The following COL12A1 variants were observed in gnomAD, a reference collection of about 807,000 sequenced individuals.
The protein encoded by COL12A1 is collagen type XII alpha 1 chain, also known as collagen alpha-1(XII) chain.
In COL12A1, 114 loss-of-function variants were observed where a neutral mutation model predicts 349.7. The observed-to-expected ratio is 0.33, with a 90% confidence interval of 0.28 to 0.38. The LOEUF (loss-of-function observed/expected upper bound fraction) is 0.38, where lower values mean the gene tolerates loss of function less well. Ranked by LOEUF, COL12A1 falls within the 10% of genes least tolerant of loss-of-function variation. The probability of loss-of-function intolerance (pLI) is 1.00; values close to 1 mark genes in which losing one functional copy is unlikely to be tolerated. For missense variants in COL12A1, 3,284 were observed against 3,756.9 expected, an observed-to-expected ratio of 0.87 and a Z score of 3.29; for synonymous variants, 1,369 against 1,329.0, an observed-to-expected ratio of 1.03 and a Z score of -0.66.
rs542888306 is a variant in COL12A1 at position 75,121,469 on chromosome 6, C to G, written c.6947-28G>C. The G allele has an allele frequency of 2.2e-5, 33 of 1,498,756 alleles. No individual in the cohort carries two copies. In the East Asian group the frequency reaches 7.2e-4, roughly 33 times the overall value. The allele number at this position is 1,498,756 out of a possible 1,614,324, so 92.8% of individuals were successfully genotyped here. ...GCAAAAAAAGAAAGCAGAGGAAGCC[C>G]CAAATCTCATGAATTCTTTCATTTA... On this transcript the variant is annotated intron_variant, in intron 43 of 65. Coordinates refer to ENST00000322507, the MANE Select transcript of COL12A1 (RefSeq NM_004370.6).
Position 75,152,120 on chromosome 6 carries a change from T to C in COL12A1, c.3835+11A>G. ...CATGAGCTGAAAGACTGTCAGACAG[T>C]CCTTACTCACCTGTGAGAGTATTGC... is the stretch of plus-strand genomic sequence containing the variant. On this transcript the variant is annotated intron_variant, in intron 19 of 65. Coordinates refer to ENST00000322507, the MANE Select transcript of COL12A1 (RefSeq NM_004370.6). 2 of 1,613,748 alleles carry C rather than the reference T, an allele frequency of 1.2e-6. No individual in the cohort carries two copies. Among genetic ancestry groups the C allele is most frequent in the Non-Finnish European group, 1.7e-6 (2 of 1,179,780 alleles).
intron 38 of COL12A1, 142 bp downstream of exon 38, chr6:75,128,154 C>A: frequency 1.4e-6 from 1 of 692,774 alleles, no homozygotes. Context: ...AATTTAATGT[C>A]TAATAAAAAT....
chr6:75,120,973 G>T (rs1769330164), intron 44 of COL12A1, among the ~76,000 whole-genome samples: 1 of 152,126 alleles, frequency 6.6e-6, no homozygotes, highest in South Asian at 2.1e-4. Flanking sequence ...CAATCACAAA[G>T]AATTTAATAT....
At chr6:75,205,441 G>A (rs13201278) in intron 1 of COL12A1, among the ~76,000 whole-genome samples, 8,287 of 151,888 alleles carry the variant, frequency 0.055, 284 homozygotes, top group Non-Finnish European at 0.078. Context: ...CCAGGGCCCT[G>A]CTGCCCCAGA....
rs1238079327 is a variant in COL12A1 at position 75,087,675 on chromosome 6, C to CGGCCAGGGG, written c.9074_9082dup (p.Pro3025_Gly3027dup). The CGGCCAGGGG allele has an allele frequency of 6.2e-7, 1 of 1,610,234 alleles. No individual in the cohort carries two copies. ...TCCTCGGATACCTGAGTTTCCAGGA[C>CGGCCAGGGG]GGCCAGGGGGGCCAGGGGGACCTCT... On this transcript the variant is annotated inframe_insertion, in exon 65 of 66. Coordinates refer to ENST00000322507, the MANE Select transcript of COL12A1 (RefSeq NM_004370.6).
intron 8 of COL12A1, 40 bp downstream of exon 8, chr6:75,188,322 A>G (rs762816617): frequency 3.2e-6 from 5 of 1,558,088 alleles, no homozygotes; most frequent in South Asian, 2.4e-5. Context: ...CAAACAATGG[A>G]AAAGACTAAC....
chr6:75,167,627 A>G (rs1159983060), intron 13 of COL12A1, among the ~76,000 whole-genome samples: 1 of 152,192 alleles, frequency 6.6e-6, no homozygotes, highest in Non-Finnish European at 1.5e-5. Context: ...ACAGACATCA[A>G]TCTCATAAAC....
intron 13 of COL12A1, among the ~76,000 whole-genome samples, chr6:75,169,093 C>G (rs1365016922): frequency 6.6e-6 from 1 of 152,190 alleles, no homozygotes; most frequent in East Asian, 1.9e-4. Context: ...GGAAATGGCT[C>G]TGAACACACG....
rs536091328 is a variant in COL12A1, at chr6:75,126,429, A to G, written c.6382T>C (p.Trp2128Arg). 5.0e-6 allele frequency: 8 copies of G among 1,611,596 alleles called. No homozygotes were observed. The African/African-American group carries it at 9.3e-5, about 19-fold the overall frequency. The change falls in exon 39 of 66, where the codon TGG becomes CGG. Residue 2128 changes from tryptophan (W) to arginine (R), a missense_variant. Trp to Arg is a moderately radical substitution (Grantham distance 101). Around this residue, in one of 2 missense-constraint regions of COL12A1, gnomAD observed 2,601 missense variants for 2,824.8 expected, o/e 0.92. Transcript: ENST00000322507. ...PPQNIHISDE[W>R]YTRFRVSWDP... ...CAGGACACCCTGAATCTTGTATACC[A>G]TTCGTCAGAGATGTGTATGTTCTGA...
At chr6:75,205,095 A>G (rs1475664052) in intron 1 of COL12A1, among the ~76,000 whole-genome samples, 1 of 151,692 alleles carries the variant, frequency 6.6e-6, no homozygotes, top group Non-Finnish European at 1.5e-5. Context: ...ACCGCCGCGG[A>G]GATCTCACAG....
In COL12A1 at chr6:75,089,130, G is replaced by A; in HGVS notation, c.8986C>T (p.Pro2996Ser). 2 of 1,611,634 alleles carry A rather than the reference G, an allele frequency of 1.2e-6. No individual in the cohort carries two copies. Among genetic ancestry groups the A allele is most frequent in the Non-Finnish European group, 1.7e-6 (2 of 1,179,276 alleles). Residue 2996 changes from proline (P) to serine (S), a missense_variant, in exon 64 of 66, where the codon CCT becomes TCT. Coordinates refer to ENST00000322507, the MANE Select transcript of COL12A1 (RefSeq NM_004370.6). Reference protein sequence around the residue: ...KGERGTGSSGPRGLPGPPGPQ... With the variant: ...KGERGTGSSGSRGLPGPPGPQ... ...CCTGGGGGGCCAGGCAGCCCCCGAG[G>A]TCCTGAAGATCCAGTACCCCTTTCA... is the stretch of plus-strand genomic sequence containing the variant.
At chr6:75,189,878 A>G in intron 5 of COL12A1, 63 bp from the exon 6 acceptor site, 6 of 1,547,216 alleles carry the variant, frequency 3.9e-6, no homozygotes, top group Non-Finnish European at 5.3e-6. Context: ...AATACATGTT[A>G]ACATTGCAAA....
Position 75,128,454 on chromosome 6 carries a change from T to G in COL12A1, c.6211-29A>C, listed in dbSNP as rs78744454. The G allele has an allele frequency of 4.7e-3, 7,122 of 1,525,672 alleles. 265 individuals are homozygous for G. The African/African-American group carries it at 0.087, about 19-fold the overall frequency. The allele number at this position is 1,525,672 out of a possible 1,614,324, so 94.5% of individuals were successfully genotyped here. On this transcript the variant is annotated intron_variant, in intron 37 of 65. Coordinates refer to ENST00000322507, the MANE Select transcript of COL12A1 (RefSeq NM_004370.6). The stretch of plus-strand genomic sequence containing the variant: ...TAGAGGAAGTTAAATTATAAATATA[T>G]TACCATCTAGAAGACTTCCAGATCA...
At chr6:75,118,960 G>A (rs1383993217) in intron 46 of COL12A1, 83 bp downstream of exon 46, 1 of 1,568,354 alleles carries the variant, frequency 6.4e-7, no homozygotes, top group Admixed American at 1.7e-5. Flanking sequence ...AGTAACATCA[G>A]CAAATTTAGT....
intron 38 of COL12A1, among the ~76,000 whole-genome samples, chr6:75,127,840 T>G (rs1766095691): frequency 6.6e-6 from 1 of 152,168 alleles, no homozygotes; most frequent in Non-Finnish European, 1.5e-5. Flanking sequence ...TACATTTTTC[T>G]TTTTTAGAAA....
chr6:75,133,480 A>G lies in COL12A1; in HGVS notation c.5665-58T>C, dbSNP rs980419811. The G allele has an allele frequency of 1.4e-5, 21 of 1,533,696 alleles. No homozygotes were observed. In the African/African-American group the frequency reaches 2.9e-4, roughly 21 times the overall value. On this transcript the variant is annotated intron_variant, in intron 33 of 65. Coordinates refer to ENST00000322507, the MANE Select transcript of COL12A1 (RefSeq NM_004370.6). The stretch of plus-strand genomic sequence containing the variant: ...TTGAAAAATTTGTGAAAGAAATAAT[A>G]ATTCAAATAACACAATACCAACTCA...
chr6:75,134,853 G>A lies in COL12A1; in HGVS notation c.5397C>T (p.Thr1799=), dbSNP rs747075397. Residue 1799 remains threonine, a splice_region_variant and synonymous_variant, in exon 32 of 66, where the codon ACC becomes ACT. Transcript: ENST00000322507. ...CACTGTTCTGCCGTCCTCCTATTGT[G>A]GTCTTGAGTAAAAAGGGTCTTGGTA... ...PSTGEGNEQT[T]TIGGRQNSVV... The A allele has an allele frequency of 6.2e-7, 1 of 1,608,986 alleles. No individual in the cohort carries two copies. Among genetic ancestry groups the A allele is most frequent in the South Asian group, 1.1e-5 (1 of 90,270 alleles).
At chr6:75,117,287 C>T in intron 47 of COL12A1, 95 bp downstream of exon 47, 1 of 1,271,240 alleles carries the variant, frequency 7.9e-7, no homozygotes, top group Non-Finnish European at 1.1e-6. Flanking sequence ...TCTATTTATG[C>T]ACAGACTTGA....
chr6:75,205,068 T>A (rs1770713434), intron 1 of COL12A1, among the ~76,000 whole-genome samples: 1 of 151,662 alleles, frequency 6.6e-6, no homozygotes, highest in Admixed American at 6.6e-5. Context: ...CCCACAAGTC[T>A]AGGATCTGAG....
Sources: gnomAD v4.1 joint callset for allele counts (sites outside exome capture counted in the v4.1 genomes callset) on GRCh38, gnomAD v4.1.1 for gene constraint, gnomAD v4.1.1 regional missense constraint, MANE v1.5 for transcripts, NCBI Gene and HGNC (gene_info 2026-07-23, HGNC 2026-07-21) for gene names.